The following AHRR variants were observed in gnomAD, a reference collection of about 807,000 sequenced individuals.
AHRR encodes the protein ahR repressor.
In AHRR, 28 loss-of-function variants were observed where a neutral mutation model predicts 44.0. That is an observed-to-expected ratio of 0.64 (90% confidence interval 0.47 to 0.87). AHRR has a LOEUF of 0.87. AHRR is among the 40% of genes least tolerant of loss of function. The probability of loss-of-function intolerance (pLI) is 0.00; values close to 1 mark genes in which losing one functional copy is unlikely to be tolerated. For synonymous variants in AHRR, 434 were observed against 407.0 expected, an observed-to-expected ratio of 1.07 and a Z score of -0.80; for missense variants, 990 against 953.9, an observed-to-expected ratio of 1.04 and a Z score of -0.50.
At chr5:372,565 C>T (rs1445681524) in intron 3 of AHRR, among the ~76,000 whole-genome samples, 2 of 152,234 alleles carry the variant, frequency 1.3e-5, no homozygotes, top group East Asian at 3.9e-4. Flanking sequence ...CTCAGCCCTG[C>T]ACAGAGCAGG....
rs1487563458 is a variant in AHRR, at chr5:437,239, A to T, written c.*2405A>T. 1 of 152,270 alleles carries T rather than the reference A, an allele frequency of 6.6e-6. No individual in the cohort carries two copies. Among genetic ancestry groups the T allele is most frequent in the East Asian group, 1.9e-4 (1 of 5,306 alleles). 9.4% of individuals were successfully genotyped at this position (152,270 alleles called of 1,614,324 possible). A position where few individuals can be genotyped will look rare whatever the true frequency, so the allele number is the denominator to read the frequency against. The stretch of plus-strand genomic sequence containing the variant: ...TATCCCTGAAAAAGTCTCAATCAAC[A>T]TGCATGTTCCACTCTTGGAGTTCCC... On this transcript the variant is annotated 3_prime_UTR_variant, in exon 11 of 11. Transcript: ENST00000684583.
At chr5:352,439 T>C (rs566912531) in intron 2 of AHRR, among the ~76,000 whole-genome samples, 1 of 146,990 alleles carries the variant, frequency 6.8e-6, no homozygotes, top group African/African-American at 2.5e-5. Flanking sequence ...GGATGGTCAC[T>C]GTGAGGTTAA....
chr5:420,530 C>T (rs990256365), intron 5 of AHRR, among the ~76,000 whole-genome samples: 2 of 152,206 alleles, frequency 1.3e-5, no homozygotes, highest in Non-Finnish European at 2.9e-5. Flanking sequence ...AGTCTTGAGT[C>T]CTGGCTCACA....
At chr5:423,354 G>C (rs1736221059) in intron 6 of AHRR, among the ~76,000 whole-genome samples, 1 of 152,214 alleles carries the variant, frequency 6.6e-6, no homozygotes, top group East Asian at 1.9e-4. Context: ...AAGCCTGGCA[G>C]GTGTGGAGCT....
At chr5:361,748 T>G (rs530193300) in intron 3 of AHRR, among the ~76,000 whole-genome samples, 1 of 152,224 alleles carries the variant, frequency 6.6e-6, no homozygotes, top group Non-Finnish European at 1.5e-5. Context: ...CTGTTCACTG[T>G]TGTATTTTAG....
rs1743558355 is a variant in AHRR at position 370,897 on chromosome 5, G to A, written c.245-5713G>A. Among the ~76,000 whole-genome samples the A allele has an allele frequency of 6.6e-6, 1 of 152,112 alleles. No individual in the cohort carries two copies. The highest frequency in any genetic ancestry group is 1.9e-4 in the East Asian group (1 of 5,168). On this transcript the variant is annotated intron_variant, in intron 3 of 10. Transcript: ENST00000684583. This position sits in a 1 kb window ranked among gnomAD's most constrained non-coding sequence, Gnocchi z 4.5. ...AGGCTGGGCCTGGTGTGGAGCTCTC[G>A]GCCGACCTCGGGCCGGGCTTTACAG...
chr5:432,236 A>G (rs1218902996), intron 8 of AHRR: 1 of 514,628 alleles, frequency 1.9e-6, no homozygotes, highest in Non-Finnish European at 3.5e-6. Flanking sequence ...TTAGCCCTTC[A>G]TTGGCCTGAA....
At chr5:355,004 G>A (rs11745166) in intron 3 of AHRR, among the ~76,000 whole-genome samples, 10,437 of 152,348 alleles carry the variant, frequency 0.069, 555 homozygotes, top group Non-Finnish European at 0.091. Context: ...AGCCTCCATG[G>A]AAATCAAATC....
intron 4 of AHRR, 28 bp downstream of exon 4, chr5:376,744 A>G: frequency 6.4e-7 from 1 of 1,562,076 alleles, no homozygotes; most frequent in Non-Finnish European, 8.7e-7. Flanking sequence ...TACCTCGAAC[A>G]CTTGACACTT....
chr5:367,849 C>T (rs934875845), intron 3 of AHRR: 4 of 702,426 alleles, frequency 5.7e-6, no homozygotes, highest in African/African-American at 5.2e-5. Flanking sequence ...TGTGGATGAC[C>T]ACACGGGCGA....
chr5:420,056 G>A (rs1256441255), intron 5 of AHRR, among the ~76,000 whole-genome samples: 2 of 152,242 alleles, frequency 1.3e-5, no homozygotes, highest in African/African-American at 4.8e-5. Context: ...AACACGAGGT[G>A]ACGCCACGGT....
intron 5 of AHRR, among the ~76,000 whole-genome samples, chr5:413,991 G>A (rs993926797): frequency 5.3e-5 from 8 of 152,220 alleles, no homozygotes; most frequent in East Asian, 3.8e-4. Context: ...CCAGCCGGGC[G>A]CGGTGGCTCA....
In AHRR at chr5:326,827, G is replaced by A. The variant is rs1053632529; in HGVS notation, c.-11+5008G>A. On this transcript the variant is annotated intron_variant, in intron 1 of 10. Transcript: ENST00000684583. This position sits in a 1 kb window ranked among gnomAD's most constrained non-coding sequence, Gnocchi z 4.1. ...TAATCCCTGCACTTTGGGAGGCTGA[G>A]GCAGGCGGATCACTTGAGGTCGGGA... Among the ~76,000 whole-genome samples the A allele has an allele frequency of 6.6e-6, 1 of 152,192 alleles. No individual in the cohort carries two copies. The highest frequency in any genetic ancestry group is 1.5e-5 in the Non-Finnish European group (1 of 68,042).
chr5:380,969 C>CT (rs1733957121), intron 4 of AHRR, among the ~76,000 whole-genome samples: 1 of 152,240 alleles, frequency 6.6e-6, no homozygotes. Context: ...GGCCAAAGGC[C>CT]TGAGAGCCCC....
intron 4 of AHRR, among the ~76,000 whole-genome samples, chr5:389,794 A>G (rs939812034): frequency 6.6e-6 from 1 of 151,340 alleles, no homozygotes; most frequent in African/African-American, 2.4e-5. Flanking sequence ...GTTCTTAAGG[A>G]AAGAGGCCAC....
At chr5:372,360 G>A (rs1743608629) in intron 3 of AHRR, among the ~76,000 whole-genome samples, 1 of 152,224 alleles carries the variant, frequency 6.6e-6, no homozygotes, top group African/African-American at 2.4e-5. Context: ...TCCAGCCTGG[G>A]CCCTGTGCAC....
rs1735187947 is a variant in AHRR at position 404,778 on chromosome 5, T to C, written c.352-8566T>C. Among the ~76,000 whole-genome samples the C allele has an allele frequency of 6.6e-6, 1 of 152,184 alleles. No individual in the cohort carries two copies. The highest frequency in any genetic ancestry group is 2.4e-5 in the African/African-American group (1 of 41,440). On this transcript the variant is annotated intron_variant, in intron 4 of 10. Transcript: ENST00000684583. This position sits in a 1 kb window ranked among gnomAD's most constrained non-coding sequence, Gnocchi z 4.1. ...TGGGAGGCTGGATGAGAAGGTGTTA[T>C]GTTTTTAGGTGAAAATCGGAGGTGG...
intron 1 of AHRR, among the ~76,000 whole-genome samples, chr5:340,683 TATA>T (rs1195038188): frequency 7.2e-4 from 24 of 33,186 alleles, no homozygotes; most frequent in African/African-American, 3.5e-3. Context: ...TATATATATA[TATA>T]TATTTTTTTT....
intron 5 of AHRR, chr5:421,469 TG>T: frequency 2.0e-6 from 1 of 504,482 alleles, no homozygotes; most frequent in South Asian, 2.8e-5. Context: ...CTCATCTGGG[TG>T]GGGTCCCGCG....
Sources: allele counts gnomAD v4.1 joint callset (sites outside exome capture counted in the v4.1 genomes callset), GRCh38; gene constraint gnomAD v4.1.1; non-coding constraint Gnocchi (gnomAD v3.1); transcripts MANE v1.5; gene names NCBI Gene and HGNC (gene_info 2026-07-23, HGNC 2026-07-21).